The following PMS1 variants were observed in gnomAD, a reference collection of about 807,000 sequenced individuals.
The protein encoded by PMS1 is PMS1 homolog 1, mismatch repair system component, also known as PMS1 protein homolog 1.
PMS1 carries 79 observed loss-of-function variants against 93.1 expected under a neutral mutation model. The observed-to-expected ratio is 0.85, with a 90% CI of 0.71 to 1.02. The LOEUF (loss-of-function observed/expected upper bound fraction) is 1.02. PMS1 is among the 50% of genes least tolerant of loss of function. PMS1 has a pLI of 0.00. For synonymous variants in PMS1, 335 were observed against 363.4 expected (o/e 0.92, Z 0.89); for missense variants, 1,064 against 1,085.3 (o/e 0.98, Z 0.28).
intron 4 of PMS1, among the ~76,000 whole-genome samples, chr2:189,816,256 A>G (rs988256713): frequency 3.3e-5 from 5 of 152,202 alleles, no homozygotes; most frequent in Admixed American, 1.3e-4. Flanking sequence ...ATTTTCATCA[A>G]ATACATTTGG....
intron 11 of PMS1, among the ~76,000 whole-genome samples, chr2:189,873,018 A>C (rs2057284707): frequency 6.6e-6 from 1 of 152,198 alleles, no homozygotes; most frequent in Non-Finnish European, 1.5e-5. Context: ...TATTTTGAAC[A>C]AACAGTATTT....
chr2:189,869,289 T>A (rs1179334694), intron 11 of PMS1, among the ~76,000 whole-genome samples: 1 of 152,222 alleles, frequency 6.6e-6, no homozygotes, highest in Non-Finnish European at 1.5e-5. Context: ...CAATGGGAGA[T>A]GCTCACATAT....
At chr2:189,814,692 G>A (rs1441572808) in intron 4 of PMS1, among the ~76,000 whole-genome samples, 2 of 152,086 alleles carry the variant, frequency 1.3e-5, no homozygotes, top group Admixed American at 1.3e-4. Flanking sequence ...TAAGAGGCGA[G>A]GCAGACAAAA....
intron 3 of PMS1, among the ~76,000 whole-genome samples, chr2:189,805,024 CTATG>C (rs2050212722): frequency 6.6e-6 from 1 of 152,068 alleles, no homozygotes; most frequent in African/African-American, 2.4e-5. Context: ...ATTTGTGTTT[CTATG>C]ACTAACATCT....
intron 6 of PMS1, among the ~76,000 whole-genome samples, chr2:189,844,592 C>T (rs1414318114): frequency 2.8e-5 from 4 of 141,032 alleles, no homozygotes; most frequent in African/African-American, 8.3e-5. Context: ...TGCAGTGAGC[C>T]GAGATTGCAC....
intron 5 of PMS1, among the ~76,000 whole-genome samples, chr2:189,837,709 A>C (rs1367530350): frequency 6.6e-6 from 1 of 152,236 alleles, no homozygotes; most frequent in African/African-American, 2.4e-5. Flanking sequence ...AAATGAAAAC[A>C]TATGCCAACA....
chr2:189,845,847 C>T (rs1031351554), intron 6 of PMS1, among the ~76,000 whole-genome samples: 2 of 152,114 alleles, frequency 1.3e-5, no homozygotes, highest in African/African-American at 4.8e-5. Flanking sequence ...TCTCCTGCCT[C>T]AGCCTCCTGA....
In PMS1 at chr2:189,799,408, A is replaced by G. The variant is rs143821381; in HGVS notation, c.315+3457A>G. On this transcript the variant is annotated intron_variant, in intron 3 of 12. Transcript: ENST00000441310. Reference sequence around the variant, plus strand: ...TATACTCCTGATCAAGATTTAGACCATTATCAGAACCCCAGAAGGTTCCCT... The same window carrying G: ...TATACTCCTGATCAAGATTTAGACCGTTATCAGAACCCCAGAAGGTTCCCT... Among the ~76,000 whole-genome samples, 1,060 of 152,282 alleles carry G rather than the reference A, an allele frequency of 7.0e-3. 6 individuals carry two copies. The highest frequency in any genetic ancestry group is 0.012 in the Non-Finnish European group (797 of 68,028).
chr2:189,809,083 A>T (rs567560907), intron 4 of PMS1, among the ~76,000 whole-genome samples: 1 of 152,224 alleles, frequency 6.6e-6, no homozygotes, highest in Non-Finnish European at 1.5e-5. Context: ...AGAGTTTCAG[A>T]ACATCATGTT....
chr2:189,866,502 A>G (rs968396872), intron 10 of PMS1, among the ~76,000 whole-genome samples: 6 of 152,190 alleles, frequency 3.9e-5, no homozygotes, highest in South Asian at 4.1e-4. Context: ...TTATCCCACA[A>G]TGCGACAATG....
intron 11 of PMS1, among the ~76,000 whole-genome samples, chr2:189,869,739 C>A (rs2056974876): frequency 6.6e-6 from 1 of 151,682 alleles, no homozygotes; most frequent in African/African-American, 2.4e-5. Context: ...ATCGCTTGAA[C>A]CCAGGAGGTG....
intron 1 of PMS1, among the ~76,000 whole-genome samples, chr2:189,790,221 A>G (rs555838077): frequency 1.3e-5 from 2 of 152,342 alleles, no homozygotes; most frequent in African/African-American, 4.8e-5. Flanking sequence ...ATTGAAAAAG[A>G]CATTATAATT....
intron 3 of PMS1, among the ~76,000 whole-genome samples, chr2:189,798,757 A>ATTTTTTTTTT (rs757864750): frequency 1.5e-4 from 12 of 79,928 alleles, no homozygotes; most frequent in East Asian, 3.9e-4. Context: ...TAAGTATTTG[A>ATTTTTTTTTT]TTTTTTTTTT....
At chr2:189,791,226 T>G (rs1348339809) in intron 1 of PMS1, among the ~76,000 whole-genome samples, 2 of 152,200 alleles carry the variant, frequency 1.3e-5, no homozygotes, top group Non-Finnish European at 1.5e-5. Context: ...TCTTAATAAC[T>G]GGATGACCTT....
chr2:189,848,070 T>G (rs1032272497), intron 6 of PMS1, among the ~76,000 whole-genome samples: 5 of 152,178 alleles, frequency 3.3e-5, no homozygotes, highest in Non-Finnish European at 1.5e-5. Flanking sequence ...TTTCTAGTTT[T>G]GACACACTCC....
At chr2:189,842,081 C>CT (rs904580166) in intron 5 of PMS1, among the ~76,000 whole-genome samples, 3 of 150,776 alleles carry the variant, frequency 2.0e-5, no homozygotes, top group Admixed American at 6.6e-5. Flanking sequence ...CAGAAAAGTC[C>CT]TTTTTTTTAT....
Position 189,854,377 on chromosome 2 carries a change from C to T in PMS1, c.1105C>T (p.Leu369Phe), listed in dbSNP as rs1559305053. ...VLSKTAETDV[L>F]FNKVESSGKN... ...TAGTAAAACAGCAGAAACAGATGTGCTTTTTAATAAAGTGGAATCATCTGG... is the reference window on the plus strand; with the variant it reads ...TAGTAAAACAGCAGAAACAGATGTGTTTTTTAATAAAGTGGAATCATCTGG... Residue 369 changes from leucine (L) to phenylalanine (F), a missense_variant, in exon 9 of 13, where the codon CTT becomes TTT. Physicochemically the swap from Leu to Phe is conservative, Grantham distance 22. Coordinates refer to ENST00000441310, the MANE Select transcript of PMS1 (RefSeq NM_000534.5). 1 of 1,602,182 alleles carries T rather than the reference C, an allele frequency of 6.2e-7. No homozygotes were observed. The highest frequency in any genetic ancestry group is 2.2e-5 in the East Asian group (1 of 44,618).
At chr2:189,789,924 C>G (rs1269733682) in intron 1 of PMS1, among the ~76,000 whole-genome samples, 2 of 152,220 alleles carry the variant, frequency 1.3e-5, no homozygotes, top group Admixed American at 1.3e-4. Context: ...AAAGCACCCC[C>G]CTCCCTGCAT....
chr2:189,794,036 G>A (rs764526595), intron 2 of PMS1, among the ~76,000 whole-genome samples: 6 of 152,026 alleles, frequency 3.9e-5, no homozygotes, highest in Non-Finnish European at 4.4e-5. Flanking sequence ...GAGTACAGGC[G>A]TGAGCCACCA....
Sources: gnomAD v4.1 joint callset for allele counts (sites outside exome capture counted in the v4.1 genomes callset) on GRCh38, gnomAD v4.1.1 for gene constraint, MANE v1.5 for transcripts, NCBI Gene and HGNC (gene_info 2026-07-23, HGNC 2026-07-21) for gene names.